Variants in ZNF267 observed in about 807,000 individuals in gnomAD.
The protein encoded by ZNF267 is zinc finger (C2H2).
In ZNF267, 61 loss-of-function variants were observed where a neutral mutation model predicts 71.6. That is an observed-to-expected ratio of 0.85 (90% CI 0.69 to 1.05). The LOEUF (loss-of-function observed/expected upper bound fraction) is 1.05, where lower values mean the gene tolerates loss of function less well. Among genes scored for constraint, ZNF267 ranks in the 50% least tolerant of loss-of-function variants. The pLI is 0.00. For synonymous variants in ZNF267, 288 were observed against 293.2 expected (o/e 0.98, Z 0.18); for missense variants, 852 against 870.0 (o/e 0.98, Z 0.26).
chr16:31,901,479 T>G (rs1373349647), intron 3 of ZNF267, among the ~76,000 whole-genome samples: 2 of 152,242 alleles, frequency 1.3e-5, no homozygotes, highest in African/African-American at 4.8e-5. Flanking sequence ...GACTTTTTAA[T>G]GATCGCCATT....
At chr16:31,875,349 T>C (rs2083844906) in intron 1 of ZNF267, 1 of 1,269,922 alleles carries the variant, frequency 7.9e-7, no homozygotes, top group Non-Finnish European at 1.0e-6. Context: ...GCCCTGGGGC[T>C]GAGAGAAATC....
Position 31,897,475 on chromosome 16 carries a change from T to C in ZNF267, c.226+12219T>C, listed in dbSNP as rs977587779. Among the ~76,000 whole-genome samples the C allele has an allele frequency of 5.3e-5, 8 of 152,286 alleles. No individual in the cohort carries two copies. The East Asian group carries it at 1.3e-3, about 26-fold the overall frequency. ...TTACATCATCTATAATACTTGTCTG[T>C]CTTTGAGTACCACACTGTTTTGATT... On this transcript the variant is annotated intron_variant, in intron 3 of 3. Coordinates refer to ENST00000300870, the MANE Select transcript of ZNF267 (RefSeq NM_003414.6).
At chr16:31,885,853 C>T (rs1290296803) in intron 3 of ZNF267, among the ~76,000 whole-genome samples, 5 of 152,138 alleles carry the variant, frequency 3.3e-5, no homozygotes, top group Admixed American at 3.3e-4. Context: ...TTTTTTCTCA[C>T]CTGAACTAAG....
intron 3 of ZNF267, among the ~76,000 whole-genome samples, chr16:31,897,417 T>C (rs994822927): frequency 6.6e-6 from 1 of 152,142 alleles, no homozygotes; most frequent in Non-Finnish European, 1.5e-5. Context: ...ATAAATTTAC[T>C]ATATACATGA....
chr16:31,881,145 T>C (rs2083887188), intron 1 of ZNF267, among the ~76,000 whole-genome samples: 1 of 152,268 alleles, frequency 6.6e-6, no homozygotes. Flanking sequence ...TAGAAAGCCC[T>C]ACATGTTTTG....
At chr16:31,903,712 A>G (rs925529190) in intron 3 of ZNF267, among the ~76,000 whole-genome samples, 1 of 151,908 alleles carries the variant, frequency 6.6e-6, no homozygotes, top group Non-Finnish European at 1.5e-5. Context: ...GGGTCTATGA[A>G]TTTTGTTGAT....
At chr16:31,909,563 CTT>C (rs766840747) in intron 3 of ZNF267, among the ~76,000 whole-genome samples, 1 of 152,124 alleles carries the variant, frequency 6.6e-6, no homozygotes, top group African/African-American at 2.4e-5. Context: ...TTTCTAATCT[CTT>C]TTTTCAGATT....
intron 3 of ZNF267, among the ~76,000 whole-genome samples, chr16:31,885,976 C>T (rs997975280): frequency 2.6e-5 from 4 of 152,174 alleles, no homozygotes; most frequent in Non-Finnish European, 5.9e-5. Context: ...GAGCTTAGAA[C>T]ATTGTCCAGT....
intron 1 of ZNF267, among the ~76,000 whole-genome samples, chr16:31,882,709 T>G (rs545715001): frequency 6.6e-6 from 1 of 152,332 alleles, no homozygotes; most frequent in East Asian, 1.9e-4. Flanking sequence ...AAGATTATGA[T>G]TTACTGTTCC....
At chr16:31,906,062 AT>A (rs2084087320) in intron 3 of ZNF267, among the ~76,000 whole-genome samples, 1 of 152,166 alleles carries the variant, frequency 6.6e-6, no homozygotes, top group East Asian at 1.9e-4. Flanking sequence ...CAGACCCTGT[AT>A]GTCTGAGTAT....
intron 3 of ZNF267, among the ~76,000 whole-genome samples, chr16:31,908,380 T>C (rs2142358642): frequency 6.6e-6 from 1 of 152,344 alleles, no homozygotes; most frequent in South Asian, 2.1e-4. Context: ...GTATTTCCTT[T>C]GTTGTCCAGG....
At chr16:31,904,905 T>A (rs2084075352) in intron 3 of ZNF267, among the ~76,000 whole-genome samples, 2 of 152,204 alleles carry the variant, frequency 1.3e-5, no homozygotes, top group South Asian at 2.1e-4. Context: ...GTTTGGCATG[T>A]TTTTGCAGTG....
Position 31,916,769 on chromosome 16 carries a change from T to G in ZNF267, c.*288T>G, listed in dbSNP as rs181982743. Reference sequence around the variant, plus strand: ...AGTTTTATTCAAAATATCAAACTTATGAGTCACCTAGGGGTTCATAGAAAA... The same window carrying G: ...AGTTTTATTCAAAATATCAAACTTAGGAGTCACCTAGGGGTTCATAGAAAA... On this transcript the variant is annotated 3_prime_UTR_variant, in exon 4 of 4. Coordinates refer to ENST00000300870, the MANE Select transcript of ZNF267 (RefSeq NM_003414.6). The G allele has an allele frequency of 1.9e-5, 6 of 310,740 alleles. No homozygotes were observed. The Admixed American group carries it at 2.8e-4, about 14-fold the overall frequency. 19.2% of individuals were successfully genotyped at this position (310,740 alleles called of 1,614,324 possible).
intron 3 of ZNF267, among the ~76,000 whole-genome samples, chr16:31,889,277 A>T (rs2083944757): frequency 1.4e-5 from 2 of 145,698 alleles, no homozygotes; most frequent in East Asian, 2.1e-4. Context: ...CTTTGCTCTA[A>T]TTTTTATTAT....
intron 3 of ZNF267, among the ~76,000 whole-genome samples, chr16:31,886,011 C>G (rs1462156933): frequency 6.6e-6 from 1 of 152,126 alleles, no homozygotes; most frequent in Non-Finnish European, 1.5e-5. Context: ...AAACTGTTGC[C>G]TTGTATCTTA....
At chr16:31,905,573 C>G (rs958341578) in intron 3 of ZNF267, among the ~76,000 whole-genome samples, 2 of 152,158 alleles carry the variant, frequency 1.3e-5, no homozygotes, top group Non-Finnish European at 2.9e-5. Flanking sequence ...TCCAGTTGAT[C>G]GAATCGGCTA....
At chr16:31,912,571 G>C (rs2084143370) in intron 3 of ZNF267, 1 of 151,590 alleles carries the variant, frequency 6.6e-6, no homozygotes, top group African/African-American at 2.4e-5. Flanking sequence ...CTTGGATATT[G>C]ATATCTTTAT....
Position 31,916,846 on chromosome 16 carries a change from G to A in ZNF267, c.*365G>A, listed in dbSNP as rs1047544902. The A allele has an allele frequency of 5.5e-6, 1 of 181,978 alleles. No homozygotes were observed. Among genetic ancestry groups the A allele is most frequent in the Non-Finnish European group, 1.2e-5 (1 of 85,800 alleles). 11.3% of individuals were successfully genotyped at this position (181,978 alleles called of 1,614,324 possible). A position where few individuals can be genotyped will look rare whatever the true frequency, so the allele number is the denominator to read the frequency against. ...GAGGAAGTATTTAATAAAAAATGAA[G>A]TCTAAATGTGTCAGAGAATTTATGT... On this transcript the variant is annotated 3_prime_UTR_variant, in exon 4 of 4. Transcript: ENST00000300870.
intron 3 of ZNF267, among the ~76,000 whole-genome samples, chr16:31,889,218 T>C (rs2083944087): frequency 6.6e-6 from 1 of 151,900 alleles, no homozygotes; most frequent in Non-Finnish European, 1.5e-5. Flanking sequence ...TTGTTTTTTT[T>C]TAATGACTCA....
Sources: allele counts gnomAD v4.1 joint callset (sites outside exome capture counted in the v4.1 genomes callset), GRCh38; gene constraint gnomAD v4.1.1; transcripts MANE v1.5; gene names NCBI Gene and HGNC (gene_info 2026-07-23, HGNC 2026-07-21).